FAM76A: variants seen among roughly 807,000 people sequenced by gnomAD.
FAM76A encodes family with sequence similarity 76 member A.
FAM76A carries 32 observed loss-of-function variants against 46.2 expected under a neutral mutation model. The observed-to-expected ratio is 0.69, with a 90% CI of 0.52 to 0.93. The LOEUF (loss-of-function observed/expected upper bound fraction) is 0.93, where lower values mean the gene tolerates loss of function less well. Among genes scored for constraint, FAM76A ranks in the 40% least tolerant of loss-of-function variants. The pLI, the probability that FAM76A is intolerant of heterozygous loss-of-function variation, is 0.00. For synonymous variants in FAM76A, 137 were observed against 127.0 expected (o/e 1.08, Z -0.53); for missense variants, 274 against 361.5 (o/e 0.76, Z 1.96).
chr1:27,757,492 C>T (rs546420215), intron 7 of FAM76A, among the ~76,000 whole-genome samples: 3 of 152,196 alleles, frequency 2.0e-5, no homozygotes, highest in South Asian at 4.1e-4. Context: ...CTCAGCCTCC[C>T]GAGTAGCTCG....
At chr1:27,759,973 A>G (rs577754067) in intron 8 of FAM76A, 22 of 459,104 alleles carry the variant, frequency 4.8e-5, no homozygotes, top group South Asian at 2.8e-4. Flanking sequence ...GGCTCTCGCT[A>G]TATTGCCTGG....
At position 27,756,510 on chromosome 1, in the gene FAM76A, C is replaced by T. The variant is rs546012207; in HGVS notation, c.735+1180C>T. Among the ~76,000 whole-genome samples the T allele has an allele frequency of 5.0e-4, 76 of 151,920 alleles. No homozygotes were observed. The South Asian group carries it at 7.7e-3, about 15-fold the overall frequency. ...TTCGCCATGTTGGACAGGCTGGTCTCGAACTCCTCATCTGAAGTGATCTGC... is the reference window on the plus strand; with the variant it reads ...TTCGCCATGTTGGACAGGCTGGTCTTGAACTCCTCATCTGAAGTGATCTGC... On this transcript the variant is annotated intron_variant, in intron 7 of 8. Coordinates refer to ENST00000373954, the MANE Select transcript of FAM76A (RefSeq NM_152660.3).
chr1:27,734,373 G>T (rs989559695), intron 4 of FAM76A, among the ~76,000 whole-genome samples, 190 bp downstream of exon 4: 1 of 151,686 alleles, frequency 6.6e-6, no homozygotes, highest in Non-Finnish European at 1.5e-5. Flanking sequence ...TGGTGAAACC[G>T]CGTCTCTACT....
intron 1 of FAM76A, among the ~76,000 whole-genome samples, 158 bp downstream of exon 1, chr1:27,726,319 A>T (rs2087858103): frequency 6.6e-6 from 1 of 151,890 alleles, no homozygotes; most frequent in African/African-American, 2.4e-5. Flanking sequence ...CCGGCGGGGC[A>T]CGTGCGGGAG....
intron 7 of FAM76A, 38 bp downstream of exon 7, chr1:27,755,368 C>G: frequency 6.2e-7 from 1 of 1,609,934 alleles, no homozygotes; most frequent in Non-Finnish European, 8.5e-7. Context: ...CAGAATGATG[C>G]GAGGGTGAGA....
chr1:27,757,759 G>A (rs574369493), intron 7 of FAM76A, among the ~76,000 whole-genome samples: 3 of 152,218 alleles, frequency 2.0e-5, no homozygotes, highest in South Asian at 4.1e-4. Context: ...GGTGGATCAC[G>A]AGGGCAGGAG....
Position 27,744,817 on chromosome 1 carries a change from C to T in FAM76A, c.512+6C>T. The T allele has an allele frequency of 1.2e-6, 2 of 1,613,032 alleles. No homozygotes were observed. The highest frequency in any genetic ancestry group is 1.7e-6 in the Non-Finnish European group (2 of 1,179,224). ...GGTGGTGGCCATTATAACAGGTAAC[C>T]TCAAGACACATGAGATGGGACTAGA... On this transcript the variant is annotated splice_donor_region_variant and intron_variant, in intron 5 of 8. Coordinates refer to ENST00000373954, the MANE Select transcript of FAM76A (RefSeq NM_152660.3).
At chr1:27,753,192 A>G (rs535353570) in intron 6 of FAM76A, among the ~76,000 whole-genome samples, 2 of 152,310 alleles carry the variant, frequency 1.3e-5, no homozygotes, top group African/African-American at 4.8e-5. Flanking sequence ...AGAAAAAAAG[A>G]GAAAAGAGAG....
intron 6 of FAM76A, among the ~76,000 whole-genome samples, chr1:27,754,337 C>G (rs2088377492): frequency 6.6e-6 from 1 of 152,058 alleles, no homozygotes; most frequent in Non-Finnish European, 1.5e-5. Context: ...AACTCCTGAC[C>G]TCAGGTGATC....
At chr1:27,746,280 G>A (rs887693873) in intron 5 of FAM76A, among the ~76,000 whole-genome samples, 3 of 152,164 alleles carry the variant, frequency 2.0e-5, no homozygotes, top group Non-Finnish European at 4.4e-5. Flanking sequence ...TCTTATTTGG[G>A]TGAATAGATA....
chr1:27,762,096 C>G lies in FAM76A; in HGVS notation c.*1515C>G, dbSNP rs1009699475. The G allele has an allele frequency of 6.6e-6, 1 of 152,132 alleles. No homozygotes were observed. The highest frequency in any genetic ancestry group is 2.4e-5 in the African/African-American group (1 of 41,430). 9.4% of individuals were successfully genotyped at this position (152,132 alleles called of 1,614,324 possible). The stretch of plus-strand genomic sequence containing the variant: ...ACCTTCTCCCCACTCCTCACCCACC[C>G]GAGCCCATACACTCCCTGCTTTTCA... On this transcript the variant is annotated 3_prime_UTR_variant, in exon 9 of 9. Transcript: ENST00000373954.
intron 8 of FAM76A, 44 bp from the exon 9 acceptor site, chr1:27,760,451 C>A: frequency 6.6e-7 from 1 of 1,510,296 alleles, no homozygotes; most frequent in South Asian, 1.2e-5. Flanking sequence ...TAGCTTATAT[C>A]CTGTTTGAAA....
chr1:27,737,006 A>G (rs2088058867), intron 4 of FAM76A, among the ~76,000 whole-genome samples: 1 of 149,658 alleles, frequency 6.7e-6, no homozygotes, highest in Non-Finnish European at 1.5e-5. Flanking sequence ...CTAGAGTGCA[A>G]TGGCACGATC....
Position 27,755,255 on chromosome 1 carries a change from A to G in FAM76A, c.660A>G (p.Gln220=), listed in dbSNP as rs150080344. 3.5e-5 allele frequency: 57 copies of G among 1,614,118 alleles called. No individual in the cohort carries two copies. The highest frequency in any genetic ancestry group is 2.0e-4 in the East Asian group (9 of 44,904). ...CTGACCACTTTGTCATCATTGCCCA[A>G]CTGAAGGAAGAAGTGGCTACCCTGA... ...PGTDHFVIIA[Q]LKEEVATLKK... The change falls in exon 7 of 9, where the codon CAA becomes CAG. Residue 220 remains glutamine (Q), a synonymous_variant. Coordinates refer to ENST00000373954, the MANE Select transcript of FAM76A (RefSeq NM_152660.3).
At chr1:27,739,983 C>A in intron 4 of FAM76A, 1 of 298,874 alleles carries the variant, frequency 3.3e-6, no homozygotes, top group South Asian at 3.7e-5. Flanking sequence ...TTGGCTCGCC[C>A]ATCCTCAACA....
At chr1:27,739,256 A>G (rs1460529799) in intron 4 of FAM76A, 15 of 510,950 alleles carry the variant, frequency 2.9e-5, no homozygotes, top group Non-Finnish European at 4.0e-5. Flanking sequence ...TTAGTGAAGG[A>G]TGTGTGTTCG....
chr1:27,743,775 A>C (rs1014770427), intron 4 of FAM76A, among the ~76,000 whole-genome samples: 3 of 151,974 alleles, frequency 2.0e-5, no homozygotes, highest in Non-Finnish European at 4.4e-5. Flanking sequence ...GGGAAAAAAA[A>C]AAAAACGAAC....
Position 27,744,679 on chromosome 1 carries a change from T to C in FAM76A, c.380T>C (p.Leu127Pro). 5 of 1,614,168 alleles carry C rather than the reference T, an allele frequency of 3.1e-6. No individual in the cohort carries two copies. Among genetic ancestry groups the C allele is most frequent in the Non-Finnish European group, 4.2e-6 (5 of 1,180,026 alleles). Reference sequence around the variant, plus strand: ...GTAGATGGGAAATTGCTGTGCTGGCTGTGCACACTTTCATACAAACGGGTC... The same window carrying C: ...GTAGATGGGAAATTGCTGTGCTGGCCGTGCACACTTTCATACAAACGGGTC... ...KKVDGKLLCW[L>P]CTLSYKRVLQ... is the part of the protein sequence containing the mutation. Residue 127 changes from leucine (L) to proline (P), a missense_variant, in exon 5 of 9, where the codon CTG (leucine) becomes CCG (proline). Transcript: ENST00000373954.
chr1:27,737,271 A>T (rs2088064771), intron 4 of FAM76A, among the ~76,000 whole-genome samples: 1 of 152,024 alleles, frequency 6.6e-6, no homozygotes, highest in Admixed American at 6.6e-5. Context: ...TCTAAAGTTT[A>T]TTTTTAAGAG....
Sources: gnomAD v4.1 joint callset for allele counts (sites outside exome capture counted in the v4.1 genomes callset) on GRCh38, gnomAD v4.1.1 for gene constraint, MANE v1.5 for transcripts, NCBI Gene and HGNC (gene_info 2026-07-23, HGNC 2026-07-21) for gene names.